TTC39B: variants seen among roughly 807,000 people sequenced by gnomAD.
The protein encoded by TTC39B is tetratricopeptide repeat protein 39B.
TTC39B carries 92 observed loss-of-function variants against 96.6 expected under a neutral mutation model. The observed-to-expected ratio is 0.95, with a 90% CI of 0.80 to 1.13. TTC39B has a LOEUF of 1.13. TTC39B is among the 50% of genes most tolerant of loss of function. The probability of loss-of-function intolerance (pLI) is 0.00; values close to 1 mark genes in which losing one functional copy is unlikely to be tolerated. For synonymous variants in TTC39B, 367 were observed against 299.4 expected (o/e 1.23, Z -2.33); for missense variants, 955 against 809.3 (o/e 1.18, Z -2.18).
At chr9:15,185,162 C>T (rs1246260195) in intron 16 of TTC39B, 118 bp downstream of exon 16, 2 of 1,308,994 alleles carry the variant, frequency 1.5e-6, no homozygotes, top group African/African-American at 3.0e-5. Context: ...CAACTTACAA[C>T]AAAACCTACA....
At chr9:15,172,583 C>T (rs535172868) in intron 19 of TTC39B, among the ~76,000 whole-genome samples, 1 of 152,198 alleles carries the variant, frequency 6.6e-6, no homozygotes. Context: ...TTACTTATTC[C>T]AATTCTCACA....
At chr9:15,257,885 C>T (rs955311013) in intron 2 of TTC39B, among the ~76,000 whole-genome samples, 2 of 152,018 alleles carry the variant, frequency 1.3e-5, no homozygotes, top group Admixed American at 6.5e-5. Flanking sequence ...CATGGAGAAA[C>T]CCCGTCTCTA....
chr9:15,211,234 T>C, intron 5 of TTC39B, 32 bp downstream of exon 5: 2 of 1,426,258 alleles, frequency 1.4e-6, no homozygotes. Flanking sequence ...AAGTTTGCAG[T>C]CACATCTTAA....
At chr9:15,166,992 A>T (rs1281796483) in exon 20 of TTC39B, 8 of 4,138 alleles carry the variant, frequency 1.9e-3, no homozygotes, top group South Asian at 0.01. Context: ...TTATATATAT[A>T]TATATATATA....
At chr9:15,291,913 C>T (rs1361742988) in intron 1 of TTC39B, among the ~76,000 whole-genome samples, 1 of 152,224 alleles carries the variant, frequency 6.6e-6, no homozygotes, top group Non-Finnish European at 1.5e-5. Context: ...GATCAAGTAA[C>T]TTAACCTCTC....
At chr9:15,297,463 G>C (rs549228300) in intron 1 of TTC39B, among the ~76,000 whole-genome samples, 1 of 152,166 alleles carries the variant, frequency 6.6e-6, no homozygotes, top group Non-Finnish European at 1.5e-5. Flanking sequence ...GCAGGCAGGA[G>C]AGAGAATGTC....
chr9:15,192,764 T>C, intron 8 of TTC39B, 69 bp from the exon 9 acceptor site: 1 of 1,069,354 alleles, frequency 9.4e-7, no homozygotes, highest in East Asian at 2.4e-5. Flanking sequence ...AAATCAAATT[T>C]TACACTTATG....
chr9:15,264,916 A>G (rs1490508929), intron 2 of TTC39B, among the ~76,000 whole-genome samples: 1 of 152,130 alleles, frequency 6.6e-6, no homozygotes, highest in Non-Finnish European at 1.5e-5. Flanking sequence ...ATATTAAACC[A>G]TCTAACTCGG....
chr9:15,224,980 T>C (rs1404303333), intron 3 of TTC39B, among the ~76,000 whole-genome samples: 1 of 152,140 alleles, frequency 6.6e-6, no homozygotes, highest in Non-Finnish European at 1.5e-5. Context: ...AAGTAAAGGA[T>C]CTGCTGTATA....
chr9:15,269,602 C>A (rs1198650829), intron 1 of TTC39B, among the ~76,000 whole-genome samples: 2 of 152,124 alleles, frequency 1.3e-5, no homozygotes, highest in Admixed American at 1.3e-4. Context: ...GCCTGCAATC[C>A]CAGCACTTTG....
intron 2 of TTC39B, among the ~76,000 whole-genome samples, chr9:15,251,269 G>A (rs1458397117): frequency 6.6e-6 from 1 of 151,906 alleles, no homozygotes; most frequent in African/African-American, 2.4e-5. Context: ...TCCTTGGAAA[G>A]AGCTAAAAAA....
chr9:15,307,038 G>T, intron 1 of TTC39B, 46 bp downstream of exon 1: 1 of 1,595,910 alleles, frequency 6.3e-7, no homozygotes. Flanking sequence ...CCGGACTCCT[G>T]TCCAGGGCTT....
At chr9:15,179,600 C>T (rs139392786) in intron 17 of TTC39B, among the ~76,000 whole-genome samples, 125 of 152,198 alleles carry the variant, frequency 8.2e-4, no homozygotes, top group Middle Eastern at 3.4e-3. Context: ...CTTTTAATCA[C>T]GGATGTTAAA....
intron 2 of TTC39B, among the ~76,000 whole-genome samples, chr9:15,259,035 A>T (rs1274354164): frequency 2.0e-5 from 3 of 152,190 alleles, no homozygotes; most frequent in African/African-American, 7.2e-5. Context: ...GACAAAAGAA[A>T]ATACAAAGAG....
At chr9:15,245,015 T>C (rs1822211556) in intron 2 of TTC39B, among the ~76,000 whole-genome samples, 1 of 152,248 alleles carries the variant, frequency 6.6e-6, no homozygotes, top group South Asian at 2.1e-4. Context: ...GTTCTCTGGT[T>C]GGAGTTTACA....
At chr9:15,227,308 CAA>C (rs199578209) in intron 2 of TTC39B, among the ~76,000 whole-genome samples, 17 of 123,200 alleles carry the variant, frequency 1.4e-4, no homozygotes, top group Middle Eastern at 4.5e-3. Flanking sequence ...AACTCCATCT[CAA>C]AAAAAAAAAA....
chr9:15,184,088 A>G (rs760083501), intron 16 of TTC39B, among the ~76,000 whole-genome samples: 7 of 152,334 alleles, frequency 4.6e-5, no homozygotes, highest in Middle Eastern at 3.4e-3. Flanking sequence ...AGGAAAGAAT[A>G]TGAACAACAA....
At chr9:15,234,041 C>T (rs1279795536) in intron 2 of TTC39B, among the ~76,000 whole-genome samples, 2 of 120,974 alleles carry the variant, frequency 1.7e-5, no homozygotes, top group South Asian at 2.5e-4. Flanking sequence ...GCCTCTGACC[C>T]GCCGCCCCGT....
At chr9:15,300,075 C>T (rs369645518) in intron 1 of TTC39B, among the ~76,000 whole-genome samples, 4 of 152,186 alleles carry the variant, frequency 2.6e-5, no homozygotes, top group African/African-American at 7.2e-5. Context: ...TGCTGCTTCC[C>T]TCCACTAACT....
Sources: gnomAD v4.1 joint callset for allele counts (sites outside exome capture counted in the v4.1 genomes callset) on GRCh38, gnomAD v4.1.1 for gene constraint, MANE v1.5 for transcripts, NCBI Gene and HGNC (gene_info 2026-07-23, HGNC 2026-07-21) for gene names.